Variants in DYNC1I1 observed in about 807,000 individuals in gnomAD.
DYNC1I1 encodes dynein cytoplasmic 1 intermediate chain 1.
DYNC1I1 carries 43 observed loss-of-function variants against 86.6 expected under a neutral mutation model. That is an observed-to-expected ratio of 0.50 (90% CI 0.39 to 0.64). DYNC1I1 has a LOEUF of 0.64. Ranked by LOEUF, DYNC1I1 falls within the 30% of genes least tolerant of loss-of-function variation. DYNC1I1 has a pLI of 0.00. For missense variants in DYNC1I1, 604 were observed against 788.8 expected, an observed-to-expected ratio of 0.77 and a Z score of 2.81; for synonymous variants, 262 against 283.7, an observed-to-expected ratio of 0.92 and a Z score of 0.77.
Position 95,946,964 on chromosome 7 carries a change from A to G in DYNC1I1, c.491-30548A>G, listed in dbSNP as rs535421716. On this transcript the variant is annotated intron_variant, in intron 6 of 16. Transcript: ENST00000447467. Reference sequence around the variant, plus strand: ...AAGGCCTCCCTGGTCTGCTGATGTTAGGACAGAAGCATGGAGAACACAAGG... The same window carrying G: ...AAGGCCTCCCTGGTCTGCTGATGTTGGGACAGAAGCATGGAGAACACAAGG... Among the ~76,000 whole-genome samples, 5 of 152,320 alleles carry G rather than the reference A, an allele frequency of 3.3e-5. No homozygotes were observed. The East Asian group carries it at 9.6e-4, about 29-fold the overall frequency.
At chr7:95,818,622 A>AG in intron 4 of DYNC1I1, 1 of 552,130 alleles carries the variant, frequency 1.8e-6, no homozygotes, top group Non-Finnish European at 3.2e-6. Context: ...CTGAGATTAC[A>AG]GGCAGGACCC....
intron 14 of DYNC1I1, among the ~76,000 whole-genome samples, chr7:96,049,545 T>G (rs1220819270): frequency 6.6e-6 from 1 of 152,124 alleles, no homozygotes; most frequent in African/African-American, 2.4e-5. Flanking sequence ...ATCTTATCAT[T>G]TAAACAAGGC....
intron 6 of DYNC1I1, among the ~76,000 whole-genome samples, chr7:95,893,098 A>C (rs1161760230): frequency 6.6e-6 from 1 of 152,212 alleles, no homozygotes; most frequent in East Asian, 1.9e-4. Context: ...GGAGGGTTAA[A>C]AATAGCTTCC....
chr7:96,103,606 C>G (rs1040590946), intron 16 of DYNC1I1, among the ~76,000 whole-genome samples: 4 of 151,634 alleles, frequency 2.6e-5, no homozygotes, highest in South Asian at 2.1e-4. Flanking sequence ...CCCACAGGCT[C>G]TATATGGATT....
chr7:95,781,216 C>T (rs927689640), intron 1 of DYNC1I1, among the ~76,000 whole-genome samples: 1 of 152,132 alleles, frequency 6.6e-6, no homozygotes, highest in African/African-American at 2.4e-5. Context: ...CTGTAAAAGG[C>T]CAGATTTGGG....
intron 6 of DYNC1I1, among the ~76,000 whole-genome samples, chr7:95,907,772 C>G (rs1266501131): frequency 9.2e-6 from 1 of 108,832 alleles, no homozygotes; most frequent in Non-Finnish European, 1.8e-5. Context: ...TCTCAATCAA[C>G]TGTTTTTTTT....
intron 8 of DYNC1I1, among the ~76,000 whole-genome samples, chr7:95,986,618 A>G (rs1019764396): frequency 1.3e-5 from 2 of 152,166 alleles, no homozygotes; most frequent in Non-Finnish European, 1.5e-5. Context: ...ACAAGTAAAT[A>G]AAAACATGCA....
intron 15 of DYNC1I1, among the ~76,000 whole-genome samples, chr7:96,076,458 T>C (rs915263311): frequency 1.2e-4 from 19 of 152,330 alleles, no homozygotes; most frequent in African/African-American, 4.1e-4. Flanking sequence ...CAAAACGTTA[T>C]GCGTTCACAC....
chr7:96,030,460 C>T (rs1794784117), intron 11 of DYNC1I1, among the ~76,000 whole-genome samples: 1 of 151,732 alleles, frequency 6.6e-6, no homozygotes, highest in Admixed American at 6.6e-5. Flanking sequence ...CTCATGGAAG[C>T]ACAGGCCAGT....
chr7:96,059,326 G>A (rs949803954), intron 14 of DYNC1I1, among the ~76,000 whole-genome samples: 1 of 151,680 alleles, frequency 6.6e-6, no homozygotes, highest in African/African-American at 2.4e-5. Context: ...AAAAAAAAAT[G>A]CAAAAACCAT....
chr7:95,956,915 A>C (rs1384220192), intron 6 of DYNC1I1, among the ~76,000 whole-genome samples: 1 of 152,226 alleles, frequency 6.6e-6, no homozygotes, highest in Non-Finnish European at 1.5e-5. Flanking sequence ...TTAATAATCA[A>C]GTCCATCATT....
chr7:96,056,830 C>T (rs1003567605), intron 14 of DYNC1I1, among the ~76,000 whole-genome samples: 6 of 152,156 alleles, frequency 3.9e-5, no homozygotes, highest in South Asian at 2.1e-4. Context: ...TTATTCTTCA[C>T]GAATGAGCTG....
chr7:95,995,893 T>C lies in DYNC1I1; in HGVS notation c.844-55T>C, dbSNP rs1234602904. ...CCACGTGTATGTAGGAATAACAAAG[T>C]TTTCCTTGTGTTGTCATCTTAGCAT... is the stretch of plus-strand genomic sequence containing the variant. On this transcript the variant is annotated intron_variant, in intron 9 of 16. Coordinates refer to ENST00000447467, the MANE Select transcript of DYNC1I1 (RefSeq NM_001135556.2). The C allele has an allele frequency of 3.2e-6, 5 of 1,540,498 alleles. No individual in the cohort carries two copies. In the African/African-American group the frequency reaches 6.9e-5, roughly 21 times the overall value.
At chr7:96,082,109 G>A (rs1361182916) in intron 16 of DYNC1I1, among the ~76,000 whole-genome samples, 2 of 152,106 alleles carry the variant, frequency 1.3e-5, no homozygotes, top group African/African-American at 4.8e-5. Flanking sequence ...TACCCTCTGA[G>A]TCGGAAATAC....
intron 14 of DYNC1I1, among the ~76,000 whole-genome samples, chr7:96,073,670 T>G (rs1386216155): frequency 6.6e-6 from 1 of 152,178 alleles, no homozygotes; most frequent in Non-Finnish European, 1.5e-5. Context: ...GACAATTGAC[T>G]TTTTAAAGCA....
chr7:95,792,465 A>T (rs1794329274), intron 1 of DYNC1I1, among the ~76,000 whole-genome samples: 1 of 152,180 alleles, frequency 6.6e-6, no homozygotes, highest in Non-Finnish European at 1.5e-5. Context: ...CAGGATACAG[A>T]GAGGAATCTG....
intron 6 of DYNC1I1, among the ~76,000 whole-genome samples, chr7:95,956,380 C>CTTTTTTTTTTTTTT (rs57664357): frequency 1.4e-5 from 2 of 140,092 alleles, no homozygotes; most frequent in Non-Finnish European, 1.6e-5. Flanking sequence ...CTTTTTTTCT[C>CTTTTTTTTTTTTTT]TTTTTTTTTT....
intron 1 of DYNC1I1, among the ~76,000 whole-genome samples, chr7:95,783,357 A>G (rs1001675744): frequency 1.3e-5 from 2 of 152,222 alleles, no homozygotes; most frequent in African/African-American, 4.8e-5. Flanking sequence ...TCTAGTCAAG[A>G]ATATTCATTT....
At chr7:95,994,934 G>C (rs1486963686) in intron 9 of DYNC1I1, among the ~76,000 whole-genome samples, 1 of 152,042 alleles carries the variant, frequency 6.6e-6, no homozygotes, top group Non-Finnish European at 1.5e-5. Context: ...TAGTGTGTGG[G>C]AGTGAGAGAG....
Sources: allele counts gnomAD v4.1 joint callset (sites outside exome capture counted in the v4.1 genomes callset), GRCh38; gene constraint gnomAD v4.1.1; transcripts MANE v1.5; gene names NCBI Gene and HGNC (gene_info 2026-07-23, HGNC 2026-07-21).